The following MYO5C variants were observed in gnomAD, a reference collection of about 807,000 sequenced individuals.
MYO5C encodes unconventional myosin-Vc.
MYO5C carries 194 observed loss-of-function variants against 235.7 expected under a neutral mutation model. The observed-to-expected ratio is 0.82, with a 90% confidence interval of 0.73 to 0.93. The LOEUF is 0.93. MYO5C is among the 40% of genes least tolerant of loss of function. The pLI, the probability that MYO5C is intolerant of heterozygous loss-of-function variation, is 0.00. For missense variants in MYO5C, 2,038 were observed against 2,127.2 expected (o/e 0.96, Z 0.82); for synonymous variants, 707 against 754.8 (o/e 0.94, Z 1.04).
intron 23 of MYO5C, among the ~76,000 whole-genome samples, chr15:52,233,299 T>TAAAAAAAAAAAAAAAAAAATA (rs1170674630): frequency 7.0e-6 from 1 of 142,212 alleles, no homozygotes; most frequent in African/African-American, 2.8e-5. Flanking sequence ...AAAAAAAAAT[T>TAAAAAAAAAAAAAAAAAAATA]AAAAAAAAAA....
At chr15:52,286,798 C>T (rs2037284840) in intron 1 of MYO5C, among the ~76,000 whole-genome samples, 1 of 151,968 alleles carries the variant, frequency 6.6e-6, no homozygotes, top group African/African-American at 2.4e-5. Context: ...GGGACACAAA[C>T]ACTGAGGAAG....
At chr15:52,287,806 G>A (rs149615780) in intron 1 of MYO5C, among the ~76,000 whole-genome samples, 8,812 of 152,070 alleles carry the variant, frequency 0.058, 507 homozygotes, top group African/African-American at 0.14. Flanking sequence ...GAGAAACCCC[G>A]TCTCTACTAA....
At chr15:52,284,966 A>G (rs1431901988) in intron 1 of MYO5C, among the ~76,000 whole-genome samples, 1 of 152,014 alleles carries the variant, frequency 6.6e-6, no homozygotes, top group African/African-American at 2.4e-5. Flanking sequence ...CAGCCTCCCA[A>G]AGTGCTAAGA....
rs775706404 is a variant in MYO5C at position 52,229,208 on chromosome 15, T to C, written c.3132A>G (p.Gln1044=). Residue 1044 remains glutamine, a synonymous_variant, in exon 25 of 41, where the codon CAA becomes CAG. Coordinates refer to ENST00000261839, the MANE Select transcript of MYO5C (RefSeq NM_018728.4). ...TGACGTGCTCCCCCTCCACCAGGTG[T>C]TGGAGTTGCATCTTCTCATCCTTGA... ...KALKDEKMQL[Q]HLVEGEHVTS... 3 of 1,614,090 alleles carry C rather than the reference T, an allele frequency of 1.9e-6. No homozygotes were observed. Among genetic ancestry groups the C allele is most frequent in the African/African-American group, 1.3e-5 (1 of 74,950 alleles).
chr15:52,236,812 CACA>C (rs1305888219), intron 22 of MYO5C: 1 of 152,240 alleles, frequency 6.6e-6, no homozygotes, highest in African/African-American at 2.4e-5. Flanking sequence ...ATTTTATTCT[CACA>C]ACAATTCTGT....
At position 52,205,127 on chromosome 15, in the gene MYO5C, C is replaced by T. The variant is rs1024104735; in HGVS notation, c.4558G>A (p.Glu1520Lys). Residue 1520 changes from glutamate to lysine, a missense_variant, in exon 38 of 41, where the codon GAG (glutamate) becomes AAG (lysine). Coordinates refer to ENST00000261839, the MANE Select transcript of MYO5C (RefSeq NM_018728.4). Reference sequence around the variant, plus strand: ...AGGCCGGAAATGCCCTGCAGGCTCTCATACTCCAGCATTCCCGGAACTGCG... The same window carrying T: ...AGGCCGGAAATGCCCTGCAGGCTCTTATACTCCAGCATTCCCGGAACTGCG... ...PIIVPGMLEY[E>K]SLQGISGLKP... 38 of 1,613,800 alleles carry T rather than the reference C, an allele frequency of 2.4e-5. No homozygotes were observed. Among genetic ancestry groups the T allele is most frequent in the Non-Finnish European group, 3.2e-5 (38 of 1,179,860 alleles).
rs751974683 is a variant in MYO5C at position 52,282,780 on chromosome 15, A to G, written c.138+2T>C. The G allele has an allele frequency of 1.9e-6, 3 of 1,593,298 alleles. No homozygotes were observed. The highest frequency in any genetic ancestry group is 2.6e-6 in the Non-Finnish European group (3 of 1,161,242). The stretch of plus-strand genomic sequence containing the variant: ...GTAGCTGTGAACAGCAAGGACCCTC[A>G]CCGTTCCATCCTCCAGCAGGAGTCG... On this transcript the variant is annotated splice_donor_variant, in intron 2 of 40. Transcript: ENST00000261839. LOFTEE classifies it high-confidence loss of function.
intron 30 of MYO5C, 150 bp from the exon 31 acceptor site, chr15:52,219,972 T>G (rs2035640790): frequency 3.4e-5 from 21 of 615,594 alleles, no homozygotes; most frequent in Middle Eastern, 2.8e-4. Flanking sequence ...AAGAATTGTC[T>G]TGGGCCACAT....
chr15:52,268,800 T>A (rs997303797), intron 8 of MYO5C, among the ~76,000 whole-genome samples: 1 of 152,198 alleles, frequency 6.6e-6, no homozygotes, highest in Admixed American at 6.5e-5. Context: ...TGTGCCGGCA[T>A]CTGAGCAATA....
At chr15:52,223,008 C>T (rs148169099) in intron 29 of MYO5C, among the ~76,000 whole-genome samples, 1 of 151,994 alleles carries the variant, frequency 6.6e-6, no homozygotes, top group Non-Finnish European at 1.5e-5. Flanking sequence ...AATTAGCTGA[C>T]CGTGATGGTG....
rs78101707 is a variant in MYO5C at position 52,221,297 on chromosome 15, T to G, written c.3628-42A>C. On this transcript the variant is annotated intron_variant, in intron 29 of 40. Coordinates refer to ENST00000261839, the MANE Select transcript of MYO5C (RefSeq NM_018728.4). Reference sequence around the variant, plus strand: ...GAAATATTAGAATATAAAATACTTTTATCTATGAACTTTAAAATCTTAGAA... The same window carrying G: ...GAAATATTAGAATATAAAATACTTTGATCTATGAACTTTAAAATCTTAGAA... The G allele has an allele frequency of 3.6e-3, 5,060 of 1,397,648 alleles. 112 individuals carry two copies. In the Admixed American group the frequency reaches 0.044, roughly 12 times the overall value. 86.6% of individuals were successfully genotyped at this position (1,397,648 alleles called of 1,614,324 possible).
At position 52,237,665 on chromosome 15, in the gene MYO5C, A is replaced by C. The variant is rs1566973850; in HGVS notation, c.2704-19T>G. The C allele has an allele frequency of 6.2e-7, 1 of 1,600,116 alleles. No individual in the cohort carries two copies. Among genetic ancestry groups the C allele is most frequent in the African/African-American group, 1.4e-5 (1 of 73,996 alleles). ...CTTTGTTCTAGAGAAAAGAAAATTCAGATGTTTAGAGGTTAATCCAAACAA... is the reference window on the plus strand; with the variant it reads ...CTTTGTTCTAGAGAAAAGAAAATTCCGATGTTTAGAGGTTAATCCAAACAA... On this transcript the variant is annotated intron_variant, in intron 21 of 40. Transcript: ENST00000261839.
chr15:52,206,081 G>A lies in MYO5C; in HGVS notation c.4387-115C>T. Reference sequence around the variant, plus strand: ...TTAATGTCTGATTTATATCAAATGAGTTCATGATGCTTGGGGTAGCATGTA... The same window carrying A: ...TTAATGTCTGATTTATATCAAATGAATTCATGATGCTTGGGGTAGCATGTA... On this transcript the variant is annotated intron_variant, in intron 36 of 40. Coordinates refer to ENST00000261839, the MANE Select transcript of MYO5C (RefSeq NM_018728.4). 5 of 647,394 alleles carry A rather than the reference G, an allele frequency of 7.7e-6. No individual in the cohort carries two copies. In the Middle Eastern group the frequency reaches 1.3e-3, roughly 171 times the overall value. 40.1% of individuals were successfully genotyped at this position (647,394 alleles called of 1,614,324 possible).
intron 24 of MYO5C, among the ~76,000 whole-genome samples, chr15:52,229,886 T>C (rs901779566): frequency 2.6e-5 from 4 of 152,140 alleles, no homozygotes; most frequent in Non-Finnish European, 5.9e-5. Context: ...AGGCTGAACT[T>C]AAAAGACACA....
At chr15:52,264,897 CCTGA>C (rs1221942503) in intron 8 of MYO5C, among the ~76,000 whole-genome samples, 1 of 152,214 alleles carries the variant, frequency 6.6e-6, no homozygotes, top group African/African-American at 2.4e-5. Flanking sequence ...GGCTGCATGG[CCTGA>C]CTGACAGAAG....
chr15:52,235,641 T>C, intron 23 of MYO5C, 29 bp downstream of exon 23: 1 of 1,540,140 alleles, frequency 6.5e-7, no homozygotes, highest in Non-Finnish European at 8.9e-7. Flanking sequence ...AATCAGTGAA[T>C]GTCTGGATTT....
intron 1 of MYO5C, among the ~76,000 whole-genome samples, chr15:52,285,294 G>A (rs1049528952): frequency 6.6e-6 from 1 of 151,986 alleles, no homozygotes; most frequent in Non-Finnish European, 1.5e-5. Flanking sequence ...CTTGAACCCA[G>A]GAGGTGGAGG....
At chr15:52,225,379 G>A (rs1049827512) in intron 26 of MYO5C, 60 bp downstream of exon 26, 11 of 1,357,224 alleles carry the variant, frequency 8.1e-6, no homozygotes, top group African/African-American at 7.1e-5. Flanking sequence ...CCTTAGCAGC[G>A]ACACAGCTAT....
At chr15:52,222,165 T>TA (rs2035702918) in intron 29 of MYO5C, among the ~76,000 whole-genome samples, 1 of 152,228 alleles carries the variant, frequency 6.6e-6, no homozygotes. Context: ...ATTTTCAACT[T>TA]ACAATACAAT....
Sources: gnomAD v4.1 joint callset for allele counts (sites outside exome capture counted in the v4.1 genomes callset) on GRCh38, gnomAD v4.1.1 for gene constraint, MANE v1.5 for transcripts, NCBI Gene and HGNC (gene_info 2026-07-23, HGNC 2026-07-21) for gene names.